Variants in DOCK3 observed in about 807,000 individuals in gnomAD.
DOCK3 encodes dedicator of cytokinesis protein 3.
In DOCK3, 60 loss-of-function variants were observed where a neutral mutation model predicts 265.6. That is an observed-to-expected ratio of 0.23 (90% CI 0.18 to 0.28). The LOEUF (loss-of-function observed/expected upper bound fraction) is 0.28. Among genes scored for constraint, DOCK3 ranks in the 10% least tolerant of loss-of-function variants. DOCK3 has a pLI of 1.00. For missense variants in DOCK3, 1,981 were observed against 2,594.3 expected, an observed-to-expected ratio of 0.76 and a Z score of 5.14; for synonymous variants, 881 against 938.0, an observed-to-expected ratio of 0.94 and a Z score of 1.11.
In DOCK3 at chr3:50,874,524, AAAAAAC is replaced by A. The variant is rs559284464; in HGVS notation, c.163-15496_163-15491del. ...TATCTTAGAAATAAATAAAGAAAAA[AAAAAAC>A]AAAAAAAGTATAGGCATTTTAACAA... On this transcript the variant is annotated intron_variant, in intron 3 of 52. Coordinates refer to ENST00000266037, the MANE Select transcript of DOCK3 (RefSeq NM_004947.5). Among the ~76,000 whole-genome samples the A allele has an allele frequency of 6.1e-3, 907 of 149,482 alleles. 2 individuals are homozygous for A. Among genetic ancestry groups the A allele is most frequent in the Admixed American group, 0.01 (150 of 14,922 alleles).
At chr3:51,074,802 G>T (rs2081997384) in intron 6 of DOCK3, among the ~76,000 whole-genome samples, 1 of 151,960 alleles carries the variant, frequency 6.6e-6, no homozygotes, top group Non-Finnish European at 1.5e-5. Context: ...TAACAAACCT[G>T]CACATCCTGC....
At chr3:51,192,178 C>T (rs2087984900) in intron 12 of DOCK3, among the ~76,000 whole-genome samples, 1 of 151,348 alleles carries the variant, frequency 6.6e-6, no homozygotes, top group Non-Finnish European at 1.5e-5. Context: ...AGCATTTTCC[C>T]TAGGTTTTCA....
At chr3:51,009,740 C>T (rs1461125951) in intron 5 of DOCK3, among the ~76,000 whole-genome samples, 1 of 152,052 alleles carries the variant, frequency 6.6e-6, no homozygotes, top group African/African-American at 2.4e-5. Context: ...TTCCTGTTTT[C>T]TTTTGTGGGC....
chr3:50,970,935 A>G (rs2077201890), intron 5 of DOCK3, among the ~76,000 whole-genome samples: 2 of 73,138 alleles, frequency 2.7e-5, no homozygotes, highest in African/African-American at 1.2e-4. Context: ...ATATATATAT[A>G]TATATATATA....
chr3:51,379,828 C>T (rs137889033), intron 51 of DOCK3, among the ~76,000 whole-genome samples: 25 of 152,396 alleles, frequency 1.6e-4, no homozygotes, highest in African/African-American at 5.3e-4. Context: ...AGGCACACTT[C>T]TCACCAGACT....
chr3:51,010,739 C>A (rs1478536839), intron 5 of DOCK3, among the ~76,000 whole-genome samples: 2 of 152,120 alleles, frequency 1.3e-5, no homozygotes, highest in East Asian at 1.9e-4. Context: ...ATTTGGCACG[C>A]TTTTTCAGTG....
At chr3:51,269,176 TATA>T (rs772911838) in intron 23 of DOCK3, among the ~76,000 whole-genome samples, 37 of 148,016 alleles carry the variant, frequency 2.5e-4, no homozygotes, top group East Asian at 2.0e-3. Context: ...ATAATATACA[TATA>T]ATAATATACA....
chr3:50,787,353 T>C (rs1004457295), intron 2 of DOCK3: 1 of 401,202 alleles, frequency 2.5e-6, no homozygotes, highest in African/African-American at 2.1e-5. Flanking sequence ...CTGATCAACA[T>C]GTAGAAACCC....
chr3:50,849,655 T>C (rs890793722), intron 3 of DOCK3, among the ~76,000 whole-genome samples: 2 of 152,152 alleles, frequency 1.3e-5, no homozygotes, highest in Non-Finnish European at 2.9e-5. Context: ...TGATAAAGAA[T>C]AGCAATGAAG....
intron 9 of DOCK3, among the ~76,000 whole-genome samples, chr3:51,114,826 C>G (rs765587572): frequency 1.3e-5 from 2 of 151,896 alleles, no homozygotes; most frequent in Non-Finnish European, 2.9e-5. Flanking sequence ...CCAACAGGCC[C>G]CAGTGTGTGA....
intron 1 of DOCK3, among the ~76,000 whole-genome samples, chr3:50,741,971 C>T (rs1414354028): frequency 6.6e-6 from 1 of 152,182 alleles, no homozygotes; most frequent in Admixed American, 6.5e-5. Context: ...GCCATTCTAA[C>T]TGGCGTGAGA....
intron 27 of DOCK3, among the ~76,000 whole-genome samples, chr3:51,293,065 G>A (rs2081877123): frequency 6.6e-6 from 1 of 152,192 alleles, no homozygotes; most frequent in East Asian, 1.9e-4. Context: ...GCAATCTACA[G>A]ATTCAATGCA....
At chr3:51,297,149 TA>T (rs1282545966) in intron 27 of DOCK3, among the ~76,000 whole-genome samples, 12 of 142,146 alleles carry the variant, frequency 8.4e-5, no homozygotes, top group African/African-American at 3.2e-4. Flanking sequence ...AATCTACATG[TA>T]AAAGAATGAT....
At chr3:51,063,863 C>A (rs983139408) in intron 5 of DOCK3, among the ~76,000 whole-genome samples, 1 of 152,146 alleles carries the variant, frequency 6.6e-6, no homozygotes, top group African/African-American at 2.4e-5. Context: ...ACTGAAAAGA[C>A]TGGAAATCTG....
At chr3:50,690,956 C>T (rs895222119) in intron 1 of DOCK3, among the ~76,000 whole-genome samples, 22 of 151,564 alleles carry the variant, frequency 1.5e-4, no homozygotes, top group African/African-American at 3.9e-4. Context: ...TTCCTATCTC[C>T]GTGATTTTGA....
chr3:50,827,205 C>A (rs906914588), intron 2 of DOCK3, among the ~76,000 whole-genome samples: 1 of 152,006 alleles, frequency 6.6e-6, no homozygotes, highest in African/African-American at 2.4e-5. Flanking sequence ...TTCAAAATGC[C>A]GAAGGAAAAT....
At chr3:51,014,429 T>A (rs1234366321) in intron 5 of DOCK3, among the ~76,000 whole-genome samples, 1 of 152,184 alleles carries the variant, frequency 6.6e-6, no homozygotes, top group African/African-American at 2.4e-5. Flanking sequence ...TGTATAGTGC[T>A]TCCAGAATCA....
At chr3:50,747,924 A>C (rs1339066193) in intron 1 of DOCK3, among the ~76,000 whole-genome samples, 1 of 151,994 alleles carries the variant, frequency 6.6e-6, no homozygotes, top group Non-Finnish European at 1.5e-5. Flanking sequence ...AGATTATAGA[A>C]ATGTGGTTGT....
At chr3:51,310,355 T>C in intron 28 of DOCK3, 29 bp downstream of exon 28, 2 of 1,515,610 alleles carry the variant, frequency 1.3e-6, no homozygotes, top group Non-Finnish European at 1.8e-6. Context: ...TGTATCAGCA[T>C]CACTGAGCTG....
Sources: allele counts gnomAD v4.1 joint callset (sites outside exome capture counted in the v4.1 genomes callset), GRCh38; gene constraint gnomAD v4.1.1; transcripts MANE v1.5; gene names NCBI Gene and HGNC (gene_info 2026-07-23, HGNC 2026-07-21).